MACF1: variants seen among roughly 807,000 people sequenced by gnomAD.
The protein encoded by MACF1 is microtubule-actin cross-linking factor 1.
MACF1 carries 193 observed loss-of-function variants against 854.8 expected under a neutral mutation model. That is an observed-to-expected ratio of 0.23 (90% CI 0.20 to 0.25). The LOEUF (loss-of-function observed/expected upper bound fraction) is 0.25, where lower values mean the gene tolerates loss of function less well. MACF1 is among the 10% of genes least tolerant of loss of function. MACF1 has a pLI of 1.00. For synonymous variants in MACF1, 3,185 were observed against 3,226.7 expected (o/e 0.99, Z 0.44); for missense variants, 7,722 against 8,929.1 (o/e 0.86, Z 5.45).
intron 2 of MACF1, among the ~76,000 whole-genome samples, chr1:39,114,183 T>G (rs1291597556): frequency 2.3e-4 from 1 of 4,316 alleles, no homozygotes; most frequent in East Asian, 0.011. Context: ...TACTTTACTG[T>G]TTTTTTTTTT....
intron 40 of MACF1, among the ~76,000 whole-genome samples, chr1:39,341,659 T>C (rs2148485062): frequency 6.6e-6 from 1 of 151,666 alleles, no homozygotes; most frequent in Non-Finnish European, 1.5e-5. Flanking sequence ...GACCGCGCCA[T>C]TGCACTCCAG....
At chr1:39,163,827 G>GA (rs1643854273) in intron 2 of MACF1, among the ~76,000 whole-genome samples, 2 of 151,988 alleles carry the variant, frequency 1.3e-5, no homozygotes, top group East Asian at 1.9e-4. Context: ...ACTTGGCTTG[G>GA]AAAAAAGACT....
intron 2 of MACF1, among the ~76,000 whole-genome samples, chr1:39,122,584 A>C (rs907704356): frequency 2.6e-5 from 4 of 152,184 alleles, no homozygotes; most frequent in Non-Finnish European, 5.9e-5. Flanking sequence ...GAGCACAAAC[A>C]AAAACTATGT....
intron 6 of MACF1, among the ~76,000 whole-genome samples, chr1:39,280,980 G>C (rs551011799): frequency 6.6e-6 from 1 of 152,284 alleles, no homozygotes; most frequent in East Asian, 1.9e-4. Context: ...GAAGAGATAA[G>C]GGAACCCTTA....
At chr1:39,210,821 C>T (rs1644506028) in intron 1 of MACF1, among the ~76,000 whole-genome samples, 2 of 152,144 alleles carry the variant, frequency 1.3e-5, no homozygotes, top group South Asian at 2.1e-4. Context: ...CCACTACTGG[C>T]TGAGTGACAT....
chr1:39,337,806 G>T (rs1257071925), intron 38 of MACF1, among the ~76,000 whole-genome samples: 1 of 145,742 alleles, frequency 6.9e-6, no homozygotes, highest in African/African-American at 2.6e-5. Flanking sequence ...GTCTCACTCT[G>T]TTGCCCAGGC....
chr1:39,286,280 C>T (rs965711416), intron 14 of MACF1, among the ~76,000 whole-genome samples: 2 of 152,034 alleles, frequency 1.3e-5, no homozygotes, highest in African/African-American at 4.8e-5. Context: ...TCCCAAAGTG[C>T]TGGGATTATA....
At chr1:39,112,790 TCCCTGTA>T (rs1478769304) in intron 2 of MACF1, among the ~76,000 whole-genome samples, 1 of 152,146 alleles carries the variant, frequency 6.6e-6, no homozygotes, top group Non-Finnish European at 1.5e-5. Context: ...TAAACTTAAT[TCCCTGTA>T]CCTGCCCAAA....
Position 39,434,642 on chromosome 1 carries a change from A to T in MACF1, c.17784+10A>T. On this transcript the variant is annotated intron_variant, in intron 69 of 100. Coordinates refer to ENST00000564288, the MANE Select transcript of MACF1 (RefSeq NM_001394062.1). ...ACAAGAGGAAATGAGGGTAAGGAGC[A>T]TGCCAAGTTTCATTTTATTGTTCTA... is the stretch of plus-strand genomic sequence containing the variant. The T allele has an allele frequency of 6.2e-7, 1 of 1,610,888 alleles. No individual in the cohort carries two copies. Among genetic ancestry groups the T allele is most frequent in the Non-Finnish European group, 8.5e-7 (1 of 1,177,874 alleles).
In MACF1 at chr1:39,432,563, C is replaced by T; in HGVS notation, c.17366C>T (p.Ala5789Val). The change falls in exon 67 of 101, where the codon GCT becomes GTT. Residue 5789 changes from alanine (A) to valine (V), a missense_variant. Transcript: ENST00000564288. ...GAGCAAGCTGCCGATGCAGAACTAGCTTGGGTTGCTGAAACAAAACGGAAA... is the reference window on the plus strand; with the variant it reads ...GAGCAAGCTGCCGATGCAGAACTAGTTTGGGTTGCTGAAACAAAACGGAAA... ...QYEQAADAEL[A>V]WVAETKRKLM... 6.2e-7 allele frequency: 1 copy of T among 1,614,016 alleles called. No individual in the cohort carries two copies. Among genetic ancestry groups the T allele is most frequent in the Non-Finnish European group, 8.5e-7 (1 of 1,179,960 alleles).
At chr1:39,415,715 C>T (rs1246430823) in intron 58 of MACF1, among the ~76,000 whole-genome samples, 1 of 152,158 alleles carries the variant, frequency 6.6e-6, no homozygotes, top group Admixed American at 6.5e-5. Flanking sequence ...CAGTTGGAAA[C>T]GATGTTCCAC....
intron 58 of MACF1, among the ~76,000 whole-genome samples, chr1:39,393,157 C>T (rs1384130441): frequency 7.2e-6 from 1 of 138,444 alleles, no homozygotes; most frequent in African/African-American, 2.8e-5. Context: ...AAGAATTCCC[C>T]TAGAGTGACC....
intron 2 of MACF1, among the ~76,000 whole-genome samples, chr1:39,132,550 C>A (rs978000071): frequency 1.3e-5 from 2 of 152,146 alleles, no homozygotes; most frequent in African/African-American, 4.8e-5. Context: ...CTAAGAGGAA[C>A]TGCACAGCCC....
At chr1:39,092,125 A>C (rs1404587494) in intron 2 of MACF1, among the ~76,000 whole-genome samples, 2 of 152,172 alleles carry the variant, frequency 1.3e-5, no homozygotes, top group African/African-American at 4.8e-5. Context: ...TGGGAAAAGA[A>C]ATAGGAATTA....
chr1:39,108,003 G>A (rs1398783820), intron 2 of MACF1, among the ~76,000 whole-genome samples: 2 of 152,084 alleles, frequency 1.3e-5, no homozygotes, highest in African/African-American at 4.8e-5. Context: ...AGCTGTATTA[G>A]GAATGGTAGT....
At chr1:39,094,185 C>T (rs1211074953) in intron 2 of MACF1, among the ~76,000 whole-genome samples, 1 of 152,180 alleles carries the variant, frequency 6.6e-6, no homozygotes, top group African/African-American at 2.4e-5. Context: ...TGACTCATAC[C>T]TGTAATCCCA....
intron 2 of MACF1, among the ~76,000 whole-genome samples, chr1:39,144,821 T>G (rs1018726070): frequency 3.3e-5 from 5 of 152,126 alleles, no homozygotes; most frequent in African/African-American, 9.7e-5. Context: ...CTAAGTTTTT[T>G]GGGGGAGGGT....
At chr1:39,091,645 G>A (rs1023650688) in intron 2 of MACF1, among the ~76,000 whole-genome samples, 3 of 151,992 alleles carry the variant, frequency 2.0e-5, no homozygotes, top group African/African-American at 4.8e-5. Flanking sequence ...ACAGGTGTGC[G>A]CCACCATGCC....
At position 39,268,766 on chromosome 1, in the gene MACF1, A is replaced by G. The variant is rs148853384; in HGVS notation, c.528+10738A>G. Reference sequence around the variant, plus strand: ...TAGCTATTCCTGAGAAGGCTCCCATATCTCCTAAGAAAAGGGTTCGGTTCA... The same window carrying G: ...TAGCTATTCCTGAGAAGGCTCCCATGTCTCCTAAGAAAAGGGTTCGGTTCA... On this transcript the variant is annotated intron_variant, in intron 6 of 100. Coordinates refer to ENST00000564288, the MANE Select transcript of MACF1 (RefSeq NM_001394062.1). 9,677 of 1,289,700 alleles carry G rather than the reference A, an allele frequency of 7.5e-3. 69 individuals are homozygous for G. Among genetic ancestry groups the G allele is most frequent in the Middle Eastern group, 0.016 (75 of 4,696 alleles). The allele number at this position is 1,289,700 out of a possible 1,614,324, so 79.9% of individuals were successfully genotyped here.
Sources: gnomAD v4.1 joint callset for allele counts (sites outside exome capture counted in the v4.1 genomes callset) on GRCh38, gnomAD v4.1.1 for gene constraint, MANE v1.5 for transcripts, NCBI Gene and HGNC (gene_info 2026-07-23, HGNC 2026-07-21) for gene names.